C1orf146: variants seen among roughly 807,000 people sequenced by gnomAD.
The protein encoded by C1orf146 is chromosome 1 open reading frame 146.
In C1orf146, 22 loss-of-function variants were observed where a neutral mutation model predicts 23.0. That is an observed-to-expected ratio of 0.96 (90% confidence interval 0.68 to 1.36). The LOEUF (loss-of-function observed/expected upper bound fraction) is 1.36. Among genes scored for constraint, C1orf146 ranks in the 40% most tolerant of loss-of-function variants. The pLI is 0.00. For synonymous variants in C1orf146, 59 were observed against 65.3 expected, an observed-to-expected ratio of 0.90 and a Z score of 0.47; for missense variants, 199 against 206.8, an observed-to-expected ratio of 0.96 and a Z score of 0.23.
intron 1 of C1orf146, among the ~76,000 whole-genome samples, chr1:92,222,016 C>A (rs1437689471): frequency 1.3e-5 from 2 of 152,100 alleles, no homozygotes; most frequent in Non-Finnish European, 2.9e-5. Context: ...CTAAGGTGGG[C>A]AGATCACCTG....
At chr1:92,226,566 A>C (rs951580105) in intron 1 of C1orf146, among the ~76,000 whole-genome samples, 1 of 152,226 alleles carries the variant, frequency 6.6e-6, no homozygotes, top group Admixed American at 6.5e-5. Flanking sequence ...CATTCTTAAC[A>C]TGGATGCAAG....
At chr1:92,219,374 T>A (rs1275095652) in intron 1 of C1orf146, among the ~76,000 whole-genome samples, 1 of 152,098 alleles carries the variant, frequency 6.6e-6, no homozygotes, top group East Asian at 1.9e-4. Context: ...AATGAGGAAA[T>A]TAGAGAGCAG....
At chr1:92,218,755 C>T (rs1651746626) in intron 1 of C1orf146, among the ~76,000 whole-genome samples, 1 of 152,146 alleles carries the variant, frequency 6.6e-6, no homozygotes, top group African/African-American at 2.4e-5. Context: ...GCACGCTCAG[C>T]GTTCACCTCC....
Position 92,244,315 on chromosome 1 carries a change from AGT to A in C1orf146, c.260_261del (p.Ser87IlefsTer12). 1 of 1,612,780 alleles carries A rather than the reference AGT, an allele frequency of 6.2e-7. No individual in the cohort carries two copies. Among genetic ancestry groups the A allele is most frequent in the Non-Finnish European group, 8.5e-7 (1 of 1,179,134 alleles). On this transcript the variant is annotated frameshift_variant, in exon 4 of 6. Transcript: ENST00000370375. LOFTEE classifies it high-confidence loss of function. ...IEKFINIHQN[S>X]FLVLSAALHG... ...GAAATTTATTAACATTCACCAAAAT[AGT>A]TTTTTGGTTTTGTCTGCTGCCCTCC...
At chr1:92,238,523 C>T (rs190174292) in intron 2 of C1orf146, among the ~76,000 whole-genome samples, 1 of 152,136 alleles carries the variant, frequency 6.6e-6, no homozygotes, top group Non-Finnish European at 1.5e-5. Flanking sequence ...TTTGAAAAAT[C>T]TATACTTAGC....
intron 1 of C1orf146, among the ~76,000 whole-genome samples, chr1:92,221,287 A>G (rs1001478786): frequency 5.9e-5 from 9 of 152,152 alleles, no homozygotes; most frequent in Non-Finnish European, 8.8e-5. Context: ...CATTGAGTAC[A>G]TATGGACATA....
intron 3 of C1orf146, 127 bp from the exon 4 acceptor site, chr1:92,244,090 C>T (rs1266617730): frequency 8.0e-6 from 5 of 621,312 alleles, no homozygotes; most frequent in Non-Finnish European, 1.4e-5. Context: ...ATAGTACTTT[C>T]TATTCCTTAT....
At chr1:92,241,397 T>C (rs1652427693) in intron 2 of C1orf146, among the ~76,000 whole-genome samples, 1 of 151,912 alleles carries the variant, frequency 6.6e-6, no homozygotes, top group African/African-American at 2.4e-5. Context: ...AGAAGCAGTT[T>C]TGCCATGTTG....
chr1:92,245,065 T>G (rs1652557265), intron 5 of C1orf146, among the ~76,000 whole-genome samples: 1 of 152,198 alleles, frequency 6.6e-6, no homozygotes, highest in Non-Finnish European at 1.5e-5. Context: ...AAGACTCACT[T>G]GGGGCCAAAA....
chr1:92,221,166 T>G (rs1378473262), intron 1 of C1orf146, among the ~76,000 whole-genome samples: 1 of 152,124 alleles, frequency 6.6e-6, no homozygotes, highest in Non-Finnish European at 1.5e-5. Context: ...AAGAAAGAAA[T>G]CATGTCCTTT....
At chr1:92,244,090 C>A in intron 3 of C1orf146, 127 bp from the exon 4 acceptor site, 1 of 621,428 alleles carries the variant, frequency 1.6e-6, no homozygotes, top group Non-Finnish European at 2.8e-6. Flanking sequence ...ATAGTACTTT[C>A]TATTCCTTAT....
At chr1:92,233,750 T>A (rs1268458044) in intron 2 of C1orf146, among the ~76,000 whole-genome samples, 1 of 152,210 alleles carries the variant, frequency 6.6e-6, no homozygotes, top group Non-Finnish European at 1.5e-5. Context: ...GAGCATGGAA[T>A]GTTCTTCCAT....
At position 92,245,784 on chromosome 1, in the gene C1orf146, T is replaced by C; in HGVS notation, c.*110T>C. The C allele has an allele frequency of 1.5e-6, 1 of 684,610 alleles. No individual in the cohort carries two copies. Among genetic ancestry groups the C allele is most frequent in the African/African-American group, 1.9e-5 (1 of 53,418 alleles). The allele number at this position is 684,610 out of a possible 1,614,324, so 42.4% of individuals were successfully genotyped here. On this transcript the variant is annotated 3_prime_UTR_variant, in exon 6 of 6. Coordinates refer to ENST00000370375, the MANE Select transcript of C1orf146 (RefSeq NM_001012425.2). Reference sequence around the variant, plus strand: ...TTTATATTAATTTGAAATAATAACATATACAATTAAAAGTGATTTTATTTT... The same window carrying C: ...TTTATATTAATTTGAAATAATAACACATACAATTAAAAGTGATTTTATTTT...
intron 1 of C1orf146, among the ~76,000 whole-genome samples, chr1:92,224,017 TTTATTTATTTATTTA>T (rs1226929245): frequency 1.4e-4 from 2 of 14,318 alleles, no homozygotes; most frequent in African/African-American, 5.9e-4. Flanking sequence ...TTTTATTTTA[TTTATTTATTTATTTA>T]TTTATTTATT....
intron 1 of C1orf146, among the ~76,000 whole-genome samples, chr1:92,218,435 T>G (rs1460671189): frequency 6.6e-6 from 1 of 152,072 alleles, no homozygotes; most frequent in Admixed American, 6.5e-5. Context: ...AGTGTTAAAC[T>G]TAAATTTGCA....
At chr1:92,232,003 C>T (rs1288834648) in intron 2 of C1orf146, among the ~76,000 whole-genome samples, 2 of 152,082 alleles carry the variant, frequency 1.3e-5, no homozygotes, top group African/African-American at 4.8e-5. Context: ...CAGCTGATGT[C>T]TGGAATGAAG....
chr1:92,219,224 C>T lies in C1orf146; in HGVS notation c.-40+1176C>T, dbSNP rs75573831. ...GGTTATAGAAGTTGAAGCCCTTCCC[C>T]CAGCCAACTCACCATTTACTCATTC... is the stretch of plus-strand genomic sequence containing the variant. On this transcript the variant is annotated intron_variant, in intron 1 of 5. Coordinates refer to ENST00000370375, the MANE Select transcript of C1orf146 (RefSeq NM_001012425.2). 7.8e-4 allele frequency among the ~76,000 whole-genome samples: 119 copies of T among 152,232 alleles called. 2 individuals carry two copies. In the East Asian group the frequency reaches 0.02, roughly 25 times the overall value.
At chr1:92,242,592 T>A (rs576321039) in intron 3 of C1orf146, among the ~76,000 whole-genome samples, 1 of 152,354 alleles carries the variant, frequency 6.6e-6, no homozygotes, top group South Asian at 2.1e-4. Context: ...CAACAATCTA[T>A]ACTTACATTA....
intron 2 of C1orf146, among the ~76,000 whole-genome samples, chr1:92,236,146 T>A (rs1652270143): frequency 6.6e-6 from 1 of 152,146 alleles, no homozygotes; most frequent in South Asian, 2.1e-4. Flanking sequence ...TTTGATCCTG[T>A]CATTATGATG....
Sources: allele counts gnomAD v4.1 joint callset (sites outside exome capture counted in the v4.1 genomes callset), GRCh38; gene constraint gnomAD v4.1.1; transcripts MANE v1.5; gene names NCBI Gene and HGNC (gene_info 2026-07-23, HGNC 2026-07-21).